Variants in LDB2 observed in about 807,000 individuals in gnomAD.
The protein encoded by LDB2 is LIM domain-binding protein 2.
Under a neutral mutation model 44.3 loss-of-function variants are expected in LDB2, and 12 were observed. The ratio of observed to expected loss-of-function variants is 0.27; its 90% confidence interval spans 0.17 to 0.44. The LOEUF is 0.44. Among genes scored for constraint, LDB2 ranks in the 20% least tolerant of loss-of-function variants. LDB2 has a pLI of 1.00. For missense variants in LDB2, 344 were observed against 473.5 expected, an observed-to-expected ratio of 0.73 and a Z score of 2.54; for synonymous variants, 164 against 174.8, an observed-to-expected ratio of 0.94 and a Z score of 0.49.
At chr4:16,830,771 G>A (rs1275022552) in intron 1 of LDB2, among the ~76,000 whole-genome samples, 1 of 152,226 alleles carries the variant, frequency 6.6e-6, no homozygotes, top group Admixed American at 6.5e-5. Flanking sequence ...AACAGCAGAA[G>A]TTATTGGACC....
intron 2 of LDB2, among the ~76,000 whole-genome samples, chr4:16,717,195 T>TGATGAG (rs138262184): frequency 0.014 from 2,044 of 150,490 alleles, 17 homozygotes; most frequent in Middle Eastern, 0.021. Flanking sequence ...ATAATGATGA[T>TGATGAG]GAGGAGGACT....
intron 5 of LDB2, among the ~76,000 whole-genome samples, chr4:16,520,141 G>A (rs1355129174): frequency 2.6e-5 from 4 of 151,778 alleles, no homozygotes; most frequent in Non-Finnish European, 5.9e-5. Context: ...CCTCCCCGCC[G>A]CCCCACCGCC....
At chr4:16,680,731 T>C (rs532008900) in intron 2 of LDB2, among the ~76,000 whole-genome samples, 75 of 152,316 alleles carry the variant, frequency 4.9e-4, no homozygotes, top group African/African-American at 1.7e-3. Flanking sequence ...CTCTACTTTT[T>C]AAATAACCTG....
chr4:16,853,130 A>G (rs1407260416), intron 1 of LDB2, among the ~76,000 whole-genome samples: 2 of 152,242 alleles, frequency 1.3e-5, no homozygotes, highest in East Asian at 1.9e-4. Flanking sequence ...ACAAGAATTA[A>G]GAAGGCATGT....
intron 1 of LDB2, among the ~76,000 whole-genome samples, chr4:16,886,723 G>C (rs1721797983): frequency 6.6e-6 from 1 of 152,044 alleles, no homozygotes; most frequent in African/African-American, 2.4e-5. Flanking sequence ...AACATCAATA[G>C]CATGACACTA....
At chr4:16,688,768 A>G (rs1336394491) in intron 2 of LDB2, among the ~76,000 whole-genome samples, 1 of 152,244 alleles carries the variant, frequency 6.6e-6, no homozygotes, top group Non-Finnish European at 1.5e-5. Context: ...TCAAGAACAT[A>G]CAAAGTCTTG....
At chr4:16,867,686 C>T (rs901996422) in intron 1 of LDB2, among the ~76,000 whole-genome samples, 4 of 152,036 alleles carry the variant, frequency 2.6e-5, no homozygotes, top group Non-Finnish European at 4.4e-5. Context: ...AGTAATTCAT[C>T]GGCAAAAGAT....
At chr4:16,577,782 A>G (rs1490437459) in intron 5 of LDB2, among the ~76,000 whole-genome samples, 1 of 152,182 alleles carries the variant, frequency 6.6e-6, no homozygotes, top group East Asian at 1.9e-4. Flanking sequence ...GAACAAAAGG[A>G]GCAAAACAGG....
In LDB2 at chr4:16,554,050, ATT is replaced by A. The variant is rs369728278; in HGVS notation, c.615+31870_615+31871del. On this transcript the variant is annotated intron_variant, in intron 5 of 7. Transcript: ENST00000304523. ...TGGACGTATTCATTCAATGGCCTGAATTTTTTTTTTTTTTTTTGAGATGGAGT... is the reference window on the plus strand; with the variant it reads ...TGGACGTATTCATTCAATGGCCTGAATTTTTTTTTTTTTTTGAGATGGAGT... Among the ~76,000 whole-genome samples the A allele has an allele frequency of 3.3e-3, 471 of 140,650 alleles. 4 individuals are homozygous for A. Among genetic ancestry groups the A allele is most frequent in the African/African-American group, 0.011 (421 of 38,266 alleles). The allele number at this position is 140,650 out of a possible 152,430, so 92.3% of individuals were successfully genotyped here.
At chr4:16,890,998 C>T (rs1231320523) in intron 1 of LDB2, among the ~76,000 whole-genome samples, 2 of 152,040 alleles carry the variant, frequency 1.3e-5, no homozygotes, top group Non-Finnish European at 2.9e-5. Flanking sequence ...TCTTTATTTT[C>T]CCTAAGATTC....
chr4:16,610,332 A>G (rs1725260919), intron 2 of LDB2, among the ~76,000 whole-genome samples: 1 of 152,160 alleles, frequency 6.6e-6, no homozygotes. Context: ...ACATCTCTCC[A>G]TCAAGGGTGC....
At chr4:16,542,460 A>G (rs1299299480) in intron 5 of LDB2, among the ~76,000 whole-genome samples, 3 of 152,176 alleles carry the variant, frequency 2.0e-5, no homozygotes, top group Non-Finnish European at 4.4e-5. Context: ...GATGTGTGGG[A>G]AGAACCTTCC....
At chr4:16,547,475 T>C (rs1028213668) in intron 5 of LDB2, among the ~76,000 whole-genome samples, 1 of 152,204 alleles carries the variant, frequency 6.6e-6, no homozygotes. Flanking sequence ...AGACTCCCAA[T>C]TTTAGAGCTT....
chr4:16,892,663 C>T (rs1429203186), intron 1 of LDB2, among the ~76,000 whole-genome samples: 1 of 152,124 alleles, frequency 6.6e-6, no homozygotes, highest in Admixed American at 6.5e-5. Context: ...GGTTGTTTTA[C>T]GTTTCGTTTG....
intron 5 of LDB2, among the ~76,000 whole-genome samples, chr4:16,525,425 C>G (rs1727851405): frequency 1.3e-5 from 2 of 152,228 alleles, no homozygotes; most frequent in South Asian, 4.1e-4. Context: ...TGCTCCCCAG[C>G]CATTCCATCA....
chr4:16,674,259 T>A (rs1424818428), intron 2 of LDB2: 2 of 1,289,122 alleles, frequency 1.6e-6, no homozygotes, highest in Non-Finnish European at 2.0e-6. Context: ...ATCACAGGCA[T>A]CTGGTTCCGA....
chr4:16,752,085 T>C (rs1271591991), intron 2 of LDB2, among the ~76,000 whole-genome samples: 1 of 152,250 alleles, frequency 6.6e-6, no homozygotes, highest in East Asian at 1.9e-4. Flanking sequence ...ACGACATTTA[T>C]GTTTTTAAGC....
intron 5 of LDB2, among the ~76,000 whole-genome samples, chr4:16,528,684 A>G (rs1432345378): frequency 6.6e-6 from 1 of 152,234 alleles, no homozygotes; most frequent in Non-Finnish European, 1.5e-5. Context: ...CACCAGAACC[A>G]GTAAGGTATA....
chr4:16,822,918 C>A (rs1004466922), intron 1 of LDB2, among the ~76,000 whole-genome samples: 1 of 152,138 alleles, frequency 6.6e-6, no homozygotes, highest in Admixed American at 6.5e-5. Context: ...ACTTGCAGGA[C>A]CCCAATTAAG....
Sources: allele counts gnomAD v4.1 joint callset (sites outside exome capture counted in the v4.1 genomes callset), GRCh38; gene constraint gnomAD v4.1.1; transcripts MANE v1.5; gene names NCBI Gene and HGNC (gene_info 2026-07-23, HGNC 2026-07-21).